SVOPL: variants seen among roughly 807,000 people sequenced by gnomAD.
SVOPL encodes the protein SVOP like.
In SVOPL, 60 loss-of-function variants were observed where a neutral mutation model predicts 61.0. The observed-to-expected ratio is 0.98, with a 90% CI of 0.80 to 1.22. SVOPL has a LOEUF of 1.22. Ranked by LOEUF, SVOPL falls within the 50% of genes most tolerant of loss-of-function variation. The pLI, the probability that SVOPL is intolerant of heterozygous loss-of-function variation, is 0.00. For missense variants in SVOPL, 662 were observed against 643.9 expected, an observed-to-expected ratio of 1.03 and a Z score of -0.30; for synonymous variants, 279 against 250.0, an observed-to-expected ratio of 1.12 and a Z score of -1.09.
intron 14 of SVOPL, among the ~76,000 whole-genome samples, chr7:138,611,357 G>A (rs1045418470): frequency 1.3e-5 from 2 of 152,044 alleles, no homozygotes; most frequent in Non-Finnish European, 2.9e-5. Flanking sequence ...CAGCCTAGGC[G>A]ACAGAGCAAG....
chr7:138,630,951 G>GAAAAA (rs57139655), intron 9 of SVOPL, among the ~76,000 whole-genome samples: 5 of 76,338 alleles, frequency 6.5e-5, no homozygotes, highest in Non-Finnish European at 1.3e-4. Context: ...CTCAAAAAAA[G>GAAAAA]AAAAAAAAAA....
intron 9 of SVOPL, among the ~76,000 whole-genome samples, chr7:138,630,951 G>GAAAAAAAAAAAAAAAAAAAAAAAAAA (rs57139655): frequency 2.6e-5 from 2 of 76,338 alleles, no homozygotes. Context: ...CTCAAAAAAA[G>GAAAAAAAAAAAAAAAAAAAAAAAAAA]AAAAAAAAAA....
chr7:138,621,942 C>A (rs374698145), intron 13 of SVOPL, among the ~76,000 whole-genome samples: 3 of 27,044 alleles, frequency 1.1e-4, no homozygotes, highest in African/African-American at 3.6e-4. Context: ...ATCTATCTAT[C>A]TATGTATCTA....
chr7:138,621,179 C>T (rs1799550965), intron 13 of SVOPL, 44 bp from the exon 14 acceptor site: 1 of 1,563,644 alleles, frequency 6.4e-7, no homozygotes. Flanking sequence ...TAATGTCCGT[C>T]CTTCCCCGAG....
chr7:138,626,134 T>G (rs1799882802), intron 12 of SVOPL, 84 bp from the exon 13 acceptor site: 1 of 1,298,378 alleles, frequency 7.7e-7, no homozygotes, highest in Non-Finnish European at 1.1e-6. Flanking sequence ...GCACTGTGGA[T>G]GCTGAGATAC....
At chr7:138,608,871 C>G (rs1459427698) in intron 14 of SVOPL, among the ~76,000 whole-genome samples, 1 of 152,130 alleles carries the variant, frequency 6.6e-6, no homozygotes, top group Non-Finnish European at 1.5e-5. Context: ...AGACAAATAA[C>G]AAATCTCTGC....
chr7:138,642,287 C>CAAAAAAAAAAAAAAAAAAAA (rs79469915), intron 9 of SVOPL, among the ~76,000 whole-genome samples: 1 of 111,670 alleles, frequency 9.0e-6, no homozygotes, highest in African/African-American at 3.6e-5. Flanking sequence ...GGAAATTAGC[C>CAAAAAAAAAAAAAAAAAAAA]AAAAAAAAAA....
chr7:138,631,219 C>T (rs766388847), intron 9 of SVOPL, among the ~76,000 whole-genome samples: 8 of 152,134 alleles, frequency 5.3e-5, no homozygotes, highest in African/African-American at 1.2e-4. Flanking sequence ...TTGTGGGGCA[C>T]GTAGTAGGTA....
In SVOPL at chr7:138,644,748, A is replaced by G. The variant is rs1207703482; in HGVS notation, c.758T>C (p.Met253Thr). The G allele has an allele frequency of 7.4e-6, 12 of 1,614,034 alleles. No individual in the cohort carries two copies. Among genetic ancestry groups the G allele is most frequent in the Non-Finnish European group, 1.0e-5 (12 of 1,180,030 alleles). ...GGGCTCCACCAGCTTCCCCTCCGGC[A>G]TGACCGAGCGGTTCATCTTGGCAAC... is the stretch of plus-strand genomic sequence containing the variant. The part of the protein sequence containing the change: ...ERVAKMNRSV[M>T]PEGKLVEPVL... Residue 253 changes from methionine to threonine, a missense_variant, in exon 9 of 16, where the codon ATG becomes ACG. Met to Thr is a moderately conservative substitution (Grantham distance 81). Coordinates refer to ENST00000674285, the MANE Select transcript of SVOPL (RefSeq NM_001139456.2).
At chr7:138,694,304 G>A (rs949376239) in intron 1 of SVOPL, among the ~76,000 whole-genome samples, 9 of 152,228 alleles carry the variant, frequency 5.9e-5, no homozygotes, top group Non-Finnish European at 1.2e-4. Flanking sequence ...GCGTTCAATG[G>A]TGTGATCTCG....
chr7:138,638,272 C>CA (rs56000217), intron 9 of SVOPL, among the ~76,000 whole-genome samples: 2,063 of 95,720 alleles, frequency 0.022, 83 homozygotes, highest in East Asian at 0.13. Flanking sequence ...GACTCCACCT[C>CA]AAAAAAAAAA....
At chr7:138,661,661 CT>C in intron 5 of SVOPL, 1 of 944,202 alleles carries the variant, frequency 1.1e-6, no homozygotes, top group Non-Finnish European at 1.3e-6. Flanking sequence ...GTAGAATCAG[CT>C]GATAGCATAC....
chr7:138,687,244 T>C (rs1254129348), intron 1 of SVOPL, among the ~76,000 whole-genome samples: 3 of 143,980 alleles, frequency 2.1e-5, no homozygotes, highest in Admixed American at 2.1e-4. Context: ...TTTTTTTTTT[T>C]TTTTTTTTGA....
intron 4 of SVOPL, 65 bp from the exon 5 acceptor site, chr7:138,663,210 GC>G: frequency 6.4e-7 from 1 of 1,572,524 alleles, no homozygotes; most frequent in East Asian, 2.3e-5. Context: ...TACCCCGTTA[GC>G]CATTTTCACT....
chr7:138,683,904 T>C (rs1802750689), intron 1 of SVOPL, among the ~76,000 whole-genome samples: 1 of 150,770 alleles, frequency 6.6e-6, no homozygotes, highest in Non-Finnish European at 1.5e-5. Context: ...ATACAAAAAT[T>C]AGCCAGGTGT....
At chr7:138,649,242 C>A in intron 7 of SVOPL, 105 bp from the exon 8 acceptor site, 1 of 1,380,688 alleles carries the variant, frequency 7.2e-7, no homozygotes, top group Non-Finnish European at 9.6e-7. Context: ...TCCTTCTGTC[C>A]CATGTGCTTC....
In SVOPL at chr7:138,663,715, A is replaced by T. The variant is rs535812555; in HGVS notation, c.274-570T>A. The T allele has an allele frequency of 1.1e-4, 67 of 627,422 alleles. No homozygotes were observed. In the South Asian group the frequency reaches 3.2e-3, roughly 30 times the overall value. 38.9% of individuals were successfully genotyped at this position (627,422 alleles called of 1,614,324 possible). A position where few individuals can be genotyped will look rare whatever the true frequency, so the allele number is the denominator to read the frequency against. On this transcript the variant is annotated intron_variant, in intron 4 of 15. Transcript: ENST00000674285. ...TGACACTAGGGTTTTATTTATTATA[A>T]CTTGGCCTGAGACCTCAGCTGCTGT...
chr7:138,663,336 G>A (rs1802085725), intron 4 of SVOPL, 191 bp from the exon 5 acceptor site: 1 of 1,429,956 alleles, frequency 7.0e-7, no homozygotes, highest in Non-Finnish European at 9.1e-7. Flanking sequence ...CCCTGTTGGT[G>A]GGAGCCTAAC....
intron 13 of SVOPL, among the ~76,000 whole-genome samples, chr7:138,622,014 C>G (rs1370321754): frequency 4.0e-5 from 3 of 74,996 alleles, no homozygotes; most frequent in African/African-American, 6.7e-5. Flanking sequence ...ATGTATCTAT[C>G]TATGTATCTA....
Sources: allele counts gnomAD v4.1 joint callset (sites outside exome capture counted in the v4.1 genomes callset), GRCh38; gene constraint gnomAD v4.1.1; transcripts MANE v1.5; gene names NCBI Gene and HGNC (gene_info 2026-07-23, HGNC 2026-07-21).